RBMS3: variants seen among roughly 807,000 people sequenced by gnomAD.
RBMS3 encodes the protein RNA-binding motif, single-stranded-interacting protein 3.
A neutral mutation model predicts 66.8 loss-of-function variants in RBMS3; 27 were observed. The ratio of observed to expected loss-of-function variants is 0.40; its 90% confidence interval spans 0.30 to 0.56. The LOEUF (loss-of-function observed/expected upper bound fraction) is 0.56, where lower values mean the gene tolerates loss of function less well. RBMS3 is among the 20% of genes least tolerant of loss of function. The pLI, the probability that RBMS3 is intolerant of heterozygous loss-of-function variation, is 0.40. For missense variants in RBMS3, 513 were observed against 549.5 expected, an observed-to-expected ratio of 0.93 and a Z score of 0.66; for synonymous variants, 188 against 183.0, an observed-to-expected ratio of 1.03 and a Z score of -0.22.
At chr3:29,954,848 T>C (rs1695920418) in intron 12 of RBMS3, among the ~76,000 whole-genome samples, 1 of 152,022 alleles carries the variant, frequency 6.6e-6, no homozygotes, top group Admixed American at 6.6e-5. Flanking sequence ...TTCACACACA[T>C]TCTTGAATAA....
chr3:30,002,631 A>C lies in RBMS3; in HGVS notation c.1308-1225A>C, dbSNP rs1314555080. Among the ~76,000 whole-genome samples, 4 of 152,044 alleles carry C rather than the reference A, an allele frequency of 2.6e-5. No individual in the cohort carries two copies. The East Asian group carries it at 7.7e-4, about 29-fold the overall frequency. On this transcript the variant is annotated intron_variant, in intron 14 of 14. Coordinates refer to ENST00000383767, the MANE Select transcript of RBMS3 (RefSeq NM_001003793.3). Reference sequence around the variant, plus strand: ...TCTCACTTTCTCATATAACACAGTAATATATTTTTAGGGACTTAACCTATT... The same window carrying C: ...TCTCACTTTCTCATATAACACAGTACTATATTTTTAGGGACTTAACCTATT...
chr3:29,835,739 G>A (rs559514215), intron 6 of RBMS3, among the ~76,000 whole-genome samples: 1 of 151,528 alleles, frequency 6.6e-6, no homozygotes, highest in African/African-American at 2.4e-5. Context: ...AACAAACTAA[G>A]CCCAAATTTA....
At chr3:29,958,237 T>A (rs1696176815) in intron 12 of RBMS3, among the ~76,000 whole-genome samples, 2 of 152,342 alleles carry the variant, frequency 1.3e-5, no homozygotes, top group Non-Finnish European at 2.9e-5. Flanking sequence ...TAATGTTTTC[T>A]AAATGACATT....
chr3:29,742,928 CAT>C (rs1191163651), intron 5 of RBMS3, among the ~76,000 whole-genome samples: 5 of 152,082 alleles, frequency 3.3e-5, no homozygotes, highest in African/African-American at 4.8e-5. Flanking sequence ...AAAAGGCAAA[CAT>C]AGGTTCAAGT....
At chr3:29,395,665 A>T (rs914454528) in intron 1 of RBMS3, among the ~76,000 whole-genome samples, 7 of 152,176 alleles carry the variant, frequency 4.6e-5, no homozygotes, top group African/African-American at 1.7e-4. Flanking sequence ...TCATTGTCTT[A>T]ATTTTCTCAA....
At chr3:29,950,836 G>A (rs906695718) in intron 12 of RBMS3, among the ~76,000 whole-genome samples, 1 of 151,820 alleles carries the variant, frequency 6.6e-6, no homozygotes, top group African/African-American at 2.4e-5. Context: ...TTTACCCAAT[G>A]TCTTTTATAT....
chr3:29,509,648 C>T (rs2044322654), intron 3 of RBMS3, among the ~76,000 whole-genome samples: 1 of 152,210 alleles, frequency 6.6e-6, no homozygotes, highest in African/African-American at 2.4e-5. Flanking sequence ...AAAGCTTTCC[C>T]TGTGCCTTCC....
At chr3:29,701,204 G>C (rs981013047) in intron 4 of RBMS3, among the ~76,000 whole-genome samples, 21 of 151,962 alleles carry the variant, frequency 1.4e-4, no homozygotes, top group Non-Finnish European at 1.0e-4. Context: ...TTGAACCTGG[G>C]AGGCAGAGGT....
At chr3:29,781,257 G>GT (rs1358077092) in intron 6 of RBMS3, among the ~76,000 whole-genome samples, 1 of 133,408 alleles carries the variant, frequency 7.5e-6, no homozygotes, top group Non-Finnish European at 1.6e-5. Flanking sequence ...TATCCTTGTA[G>GT]TTTTCTCTTT....
At chr3:29,633,453 T>G (rs1366312965) in intron 4 of RBMS3, among the ~76,000 whole-genome samples, 2 of 151,840 alleles carry the variant, frequency 1.3e-5, no homozygotes, top group Non-Finnish European at 2.9e-5. Context: ...TTCATTGTCT[T>G]GTATTTTGGA....
At chr3:29,964,010 C>T (rs1696659273) in intron 12 of RBMS3, among the ~76,000 whole-genome samples, 1 of 152,058 alleles carries the variant, frequency 6.6e-6, no homozygotes, top group Non-Finnish European at 1.5e-5. Flanking sequence ...GTATGTAGAA[C>T]ACCTGTAAAA....
At position 29,785,865 on chromosome 3, in the gene RBMS3, T is replaced by C. The variant is rs149239922; in HGVS notation, c.637+22876T>C. 3.9e-5 allele frequency among the ~76,000 whole-genome samples: 6 copies of C among 151,948 alleles called. No homozygotes were observed. The East Asian group carries it at 9.7e-4, about 25-fold the overall frequency. On this transcript the variant is annotated intron_variant, in intron 6 of 14. Transcript: ENST00000383767. ...AGAACAATCAAACAAGAGAAAGAAA[T>C]AAAGGCCATCAAAATAGATAAATAG...
At chr3:29,360,343 G>A (rs1325129624) in intron 1 of RBMS3, among the ~76,000 whole-genome samples, 1 of 152,002 alleles carries the variant, frequency 6.6e-6, no homozygotes, top group Non-Finnish European at 1.5e-5. Context: ...CAGTTTCCAT[G>A]TAGTTGAGTG....
At chr3:29,382,958 T>G (rs2038837040) in intron 1 of RBMS3, among the ~76,000 whole-genome samples, 1 of 152,196 alleles carries the variant, frequency 6.6e-6, no homozygotes, top group Admixed American at 6.5e-5. Context: ...ATGACGCCTC[T>G]GATCAGGAAA....
At chr3:29,995,228 G>C (rs1411550069) in intron 14 of RBMS3, among the ~76,000 whole-genome samples, 1 of 152,038 alleles carries the variant, frequency 6.6e-6, no homozygotes, top group Non-Finnish European at 1.5e-5. Context: ...AGAATAAAAA[G>C]AAATGAGCAA....
chr3:29,418,503 T>C (rs7433749), intron 1 of RBMS3, among the ~76,000 whole-genome samples: 16,001 of 152,166 alleles, frequency 0.11, 1,160 homozygotes, highest in East Asian at 0.29. Context: ...TCAGGATGAA[T>C]AGACAGTCAA....
At position 29,602,315 on chromosome 3, in the gene RBMS3, T is replaced by C. The variant is rs77891889; in HGVS notation, c.399+15110T>C. Among the ~76,000 whole-genome samples, 218 of 152,078 alleles carry C rather than the reference T, an allele frequency of 1.4e-3. 1 individual carries two copies. In the East Asian group the frequency reaches 0.037, roughly 26 times the overall value. ...ATGGACCCATGTCTGAAACGTTCAG[T>C]CTTGGCAATCAAGGCTCTCACCTCA... On this transcript the variant is annotated intron_variant, in intron 4 of 14. Coordinates refer to ENST00000383767, the MANE Select transcript of RBMS3 (RefSeq NM_001003793.3).
At chr3:29,602,122 A>T (rs1398739127) in intron 4 of RBMS3, among the ~76,000 whole-genome samples, 1 of 152,040 alleles carries the variant, frequency 6.6e-6, no homozygotes, top group Non-Finnish European at 1.5e-5. Flanking sequence ...AGTCCTCCAA[A>T]TTTTAATAGA....
chr3:29,994,237 C>T (rs552534306), intron 14 of RBMS3, among the ~76,000 whole-genome samples: 18 of 152,302 alleles, frequency 1.2e-4, no homozygotes, highest in East Asian at 1.9e-4. Flanking sequence ...TAAAAAATGG[C>T]GCACCACAAG....
Sources: gnomAD v4.1 joint callset for allele counts (sites outside exome capture counted in the v4.1 genomes callset) on GRCh38, gnomAD v4.1.1 for gene constraint, MANE v1.5 for transcripts, NCBI Gene and HGNC (gene_info 2026-07-23, HGNC 2026-07-21) for gene names.